Variants in SYT14 observed in about 807,000 individuals in gnomAD.
The protein encoded by SYT14 is synaptotagmin-14.
In SYT14, 32 loss-of-function variants were observed where a neutral mutation model predicts 74.2. The observed-to-expected ratio is 0.43, with a 90% CI of 0.33 to 0.58. The LOEUF (loss-of-function observed/expected upper bound fraction) is 0.58. SYT14 is among the 20% of genes least tolerant of loss of function. The pLI, the probability that SYT14 is intolerant of heterozygous loss-of-function variation, is 0.05. For missense variants in SYT14, 791 were observed against 981.8 expected, an observed-to-expected ratio of 0.81 and a Z score of 2.60; for synonymous variants, 298 against 337.7, an observed-to-expected ratio of 0.88 and a Z score of 1.29.
chr1:209,940,315 A>G (rs1182544790), intron 1 of SYT14, among the ~76,000 whole-genome samples: 1 of 152,152 alleles, frequency 6.6e-6, no homozygotes, highest in African/African-American at 2.4e-5. Context: ...CTTTTCAGTA[A>G]AGTGTTTCTT....
intron 5 of SYT14, among the ~76,000 whole-genome samples, chr1:210,022,818 C>T (rs535247280): frequency 7.2e-5 from 11 of 152,048 alleles, no homozygotes; most frequent in Non-Finnish European, 1.6e-4. Context: ...TCCCTTTTTG[C>T]AGGTACGTTT....
chr1:209,996,705 G>A (rs1279583501), intron 2 of SYT14, among the ~76,000 whole-genome samples: 2 of 151,862 alleles, frequency 1.3e-5, no homozygotes, highest in African/African-American at 4.8e-5. Context: ...ACATAGACAC[G>A]AAAATCCTCG....
At chr1:209,978,323 CATCTTTGTGGTTTT>C (rs963796492) in intron 2 of SYT14, among the ~76,000 whole-genome samples, 52 of 152,214 alleles carry the variant, frequency 3.4e-4, no homozygotes, top group African/African-American at 1.2e-3. Context: ...GTTTTTTCAC[CATCTTTGTGGTTTT>C]ATCTACCTTT....
At chr1:209,976,090 CTCTTT>C (rs2079357681) in intron 2 of SYT14, among the ~76,000 whole-genome samples, 1 of 151,972 alleles carries the variant, frequency 6.6e-6, no homozygotes, top group African/African-American at 2.4e-5. Context: ...TGATTCTTCT[CTCTTT>C]TCTTCTTTAT....
At chr1:209,998,503 CG>C (rs1379621923) in intron 2 of SYT14, among the ~76,000 whole-genome samples, 1 of 151,782 alleles carries the variant, frequency 6.6e-6, no homozygotes, top group Non-Finnish European at 1.5e-5. Flanking sequence ...AAAACAGTCC[CG>C]AGCAAAAAGA....
intron 2 of SYT14, among the ~76,000 whole-genome samples, chr1:209,977,910 T>C (rs1055059965): frequency 6.6e-6 from 1 of 152,208 alleles, no homozygotes; most frequent in Non-Finnish European, 1.5e-5. Context: ...CATTTCTTTT[T>C]ATTCTTTTTT....
At chr1:210,098,412 G>T (rs1346046818) in intron 6 of SYT14, among the ~76,000 whole-genome samples, 2 of 152,116 alleles carry the variant, frequency 1.3e-5, no homozygotes, top group Admixed American at 6.6e-5. Context: ...TGCTCTATGA[G>T]ATTATTCAGG....
chr1:209,938,619 C>G (rs1028597272), intron 1 of SYT14, among the ~76,000 whole-genome samples: 3 of 152,022 alleles, frequency 2.0e-5, no homozygotes, highest in African/African-American at 7.2e-5. Flanking sequence ...CCCTGCAGAC[C>G]CCACGGGACG....
chr1:210,137,270 C>T (rs1412997642), intron 7 of SYT14, among the ~76,000 whole-genome samples: 1 of 152,152 alleles, frequency 6.6e-6, no homozygotes, highest in Non-Finnish European at 1.5e-5. Context: ...ACCTCCTATG[C>T]TCACATTCTT....
intron 6 of SYT14, among the ~76,000 whole-genome samples, 166 bp from the exon 6 acceptor site, chr1:210,099,841 TCTCGC>T (rs1235995938): frequency 6.6e-6 from 1 of 152,274 alleles, no homozygotes; most frequent in Non-Finnish European, 1.5e-5. Context: ...CCTGTACTAA[TCTCGC>T]TCTATAGGGT....
At chr1:210,040,716 G>A (rs898271692) in intron 5 of SYT14, among the ~76,000 whole-genome samples, 4 of 152,000 alleles carry the variant, frequency 2.6e-5, no homozygotes, top group Admixed American at 2.6e-4. Flanking sequence ...CAGCAGCACT[G>A]GTTCCTAAAG....
At chr1:210,109,654 T>A (rs2082224775) in intron 7 of SYT14, among the ~76,000 whole-genome samples, 1 of 152,028 alleles carries the variant, frequency 6.6e-6, no homozygotes, top group South Asian at 2.1e-4. Flanking sequence ...ATAAGAATGC[T>A]TTTACACTGT....
At chr1:209,952,846 A>T (rs1203478957) in intron 2 of SYT14, 90 bp downstream of exon 2, 3 of 1,300,286 alleles carry the variant, frequency 2.3e-6, no homozygotes, top group Admixed American at 1.8e-5. Context: ...GATAATTTGT[A>T]TTTATGAAGT....
At chr1:210,027,993 A>G (rs935593187) in intron 5 of SYT14, among the ~76,000 whole-genome samples, 1 of 152,148 alleles carries the variant, frequency 6.6e-6, no homozygotes, top group Admixed American at 6.6e-5. Context: ...AACCATCACC[A>G]CTATTCCATC....
chr1:210,140,601 A>G (rs1347321909), intron 7 of SYT14, among the ~76,000 whole-genome samples: 2 of 152,054 alleles, frequency 1.3e-5, no homozygotes, highest in Non-Finnish European at 1.5e-5. Context: ...AAGATTTACT[A>G]CTATGTTTTC....
chr1:210,094,369 C>T lies in SYT14; in HGVS notation c.1360C>T (p.Gln454Ter). The change falls in exon 6 of 10, where the codon CAG becomes TAG. Residue 454 changes from glutamine to a stop codon, truncating the protein, a stop_gained. Transcript: ENST00000637265. LOFTEE classifies it high-confidence loss of function. ...AAGAACACCCCCGCTGGATGAATTG[C>T]AGCCACCACCATATCAGGATGACAG... The T allele has an allele frequency of 1.2e-6, 2 of 1,613,964 alleles. No homozygotes were observed. The highest frequency in any genetic ancestry group is 1.7e-6 in the Non-Finnish European group (2 of 1,179,944).
intron 7 of SYT14, among the ~76,000 whole-genome samples, chr1:210,101,697 GGAA>G (rs1215089240): frequency 3.3e-5 from 5 of 151,256 alleles, no homozygotes; most frequent in African/African-American, 1.2e-4. Flanking sequence ...TTCGGAGGGG[GGAA>G]GAACGAATTT....
At chr1:210,124,796 C>CTTGG (rs1240323051) in intron 7 of SYT14, among the ~76,000 whole-genome samples, 4 of 151,976 alleles carry the variant, frequency 2.6e-5, no homozygotes, top group Non-Finnish European at 4.4e-5. Context: ...TTTGACTATC[C>CTTGG]CAAAGTCACT....
chr1:210,044,611 TAC>T (rs1304879446), intron 5 of SYT14, among the ~76,000 whole-genome samples: 1 of 152,258 alleles, frequency 6.6e-6, no homozygotes, highest in Non-Finnish European at 1.5e-5. Context: ...TCTCGCTCCT[TAC>T]ACATTTTTCT....
Sources: gnomAD v4.1 joint callset for allele counts (sites outside exome capture counted in the v4.1 genomes callset) on GRCh38, gnomAD v4.1.1 for gene constraint, MANE v1.5 for transcripts, NCBI Gene and HGNC (gene_info 2026-07-23, HGNC 2026-07-21) for gene names.